PFKFB4: variants seen among roughly 807,000 people sequenced by gnomAD.
The protein encoded by PFKFB4 is 6-phosphofructo-2-kinase/fructose-2,6-biphosphatase 4.
A neutral mutation model predicts 62.8 loss-of-function variants in PFKFB4; 42 were observed. That is an observed-to-expected ratio of 0.67 (90% CI 0.52 to 0.86). The LOEUF (loss-of-function observed/expected upper bound fraction) is 0.86, where lower values mean the gene tolerates loss of function less well. Among genes scored for constraint, PFKFB4 ranks in the 40% least tolerant of loss-of-function variants. The probability of loss-of-function intolerance (pLI) is 0.00; values close to 1 mark genes in which losing one functional copy is unlikely to be tolerated. For missense variants in PFKFB4, 475 were observed against 627.2 expected (o/e 0.76, Z 2.59); for synonymous variants, 204 against 240.7 (o/e 0.85, Z 1.41).
intron 4 of PFKFB4, among the ~76,000 whole-genome samples, chr3:48,541,624 A>G (rs2042801769): frequency 6.6e-6 from 1 of 152,182 alleles, no homozygotes; most frequent in African/African-American, 2.4e-5. Flanking sequence ...ACACTCCAGC[A>G]AAACCTTTAA....
intron 7 of PFKFB4, among the ~76,000 whole-genome samples, chr3:48,537,480 C>T (rs2042659132): frequency 6.7e-6 from 1 of 148,768 alleles, no homozygotes; most frequent in South Asian, 2.1e-4. Context: ...AAGCATTCAT[C>T]TCAGAGTTGC....
chr3:48,561,698 C>T (rs13088174), upstream of PFKFB4: 8 of 102,266 alleles, frequency 7.8e-5, no homozygotes, highest in Non-Finnish European at 9.9e-5. This position sits in a 1 kb window ranked among gnomAD's most constrained non-coding sequence, Gnocchi z 5.2. Flanking sequence ...ATGTCTGCTA[C>T]ATACACAATG....
chr3:48,546,266 G>A (rs2042961972), intron 3 of PFKFB4, among the ~76,000 whole-genome samples: 1 of 152,122 alleles, frequency 6.6e-6, no homozygotes, highest in Non-Finnish European at 1.5e-5. Flanking sequence ...CCACATGTGT[G>A]CACACAGGAT....
intron 1 of PFKFB4, among the ~76,000 whole-genome samples, chr3:48,555,177 G>T (rs567210315): frequency 1.3e-5 from 2 of 151,718 alleles, no homozygotes; most frequent in East Asian, 3.9e-4. Flanking sequence ...CCCGCCTCCA[G>T]AAGAGTCTCA....
At chr3:48,532,337 T>A (rs191504477) in intron 9 of PFKFB4, among the ~76,000 whole-genome samples, 42 of 151,976 alleles carry the variant, frequency 2.8e-4, no homozygotes, top group Admixed American at 2.8e-3. Flanking sequence ...AAATAAATAA[T>A]AAAAACAGAA....
At chr3:48,557,383 C>G (rs902182407), upstream of PFKFB4, among the ~76,000 whole-genome samples, 1 of 152,252 alleles carries the variant, frequency 6.6e-6, no homozygotes, top group Non-Finnish European at 1.5e-5. Flanking sequence ...TCCTCGGGGT[C>G]CCCCTTGACT....
At chr3:48,562,721 G>T, upstream of PFKFB4, 1 of 1,425,858 alleles carries the variant, frequency 7.0e-7, no homozygotes, top group Non-Finnish European at 9.3e-7. This position sits in a 1 kb window ranked among gnomAD's most constrained non-coding sequence, Gnocchi z 4.3. Flanking sequence ...CCGTCCAGCT[G>T]TGTGGCTGCC....
At chr3:48,523,902 G>A in intron 10 of PFKFB4, 72 bp from the exon 11 acceptor site, 1 of 1,491,634 alleles carries the variant, frequency 6.7e-7, no homozygotes, top group Non-Finnish European at 9.2e-7. Flanking sequence ...CTGGACACTG[G>A]GCCACCTTCC....
chr3:48,544,531 C>G (rs968444463), intron 3 of PFKFB4, among the ~76,000 whole-genome samples: 1 of 150,534 alleles, frequency 6.6e-6, no homozygotes, highest in African/African-American at 2.4e-5. Context: ...CACTGCAGCC[C>G]AAACTCCTGG....
chr3:48,528,183 C>T (rs1294416250), intron 9 of PFKFB4, among the ~76,000 whole-genome samples: 1 of 152,032 alleles, frequency 6.6e-6, no homozygotes, highest in Admixed American at 6.6e-5. Context: ...ACGGCTACAA[C>T]CAAGACTGAT....
At chr3:48,534,933 C>T (rs1053782182) in intron 9 of PFKFB4, among the ~76,000 whole-genome samples, 2 of 151,878 alleles carry the variant, frequency 1.3e-5, no homozygotes, top group African/African-American at 4.8e-5. Context: ...CTCAGCCTCC[C>T]GAGTACGTGG....
rs2042095954 is a variant in PFKFB4, at chr3:48,521,592, C to T, written c.1350+394G>A. ...GATGGGGAGTGGGAAGAGTGCCCAC[C>T]TGCCCTCAGAAGGCCAGAAGCCTCA... On this transcript the variant is annotated intron_variant, in intron 13 of 13. Transcript: ENST00000232375. The surrounding 1 kb of genome is among the most constrained non-coding windows in gnomAD (Gnocchi z 5.3). 6.6e-6 allele frequency among the ~76,000 whole-genome samples: 1 copy of T among 152,206 alleles called. No individual in the cohort carries two copies. Among genetic ancestry groups the T allele is most frequent in the South Asian group, 2.1e-4 (1 of 4,836 alleles).
intron 9 of PFKFB4, among the ~76,000 whole-genome samples, chr3:48,534,021 T>C (rs542646587): frequency 6.6e-6 from 1 of 152,130 alleles, no homozygotes; most frequent in Non-Finnish European, 1.5e-5. Flanking sequence ...GAAGAAATAA[T>C]GGAAGATTCA....
At chr3:48,545,385 A>G (rs946276326) in intron 3 of PFKFB4, among the ~76,000 whole-genome samples, 1 of 152,070 alleles carries the variant, frequency 6.6e-6, no homozygotes, top group Non-Finnish European at 1.5e-5. Flanking sequence ...CACCCTCCTC[A>G]GCCTCCCAAG....
At chr3:48,560,871 C>T (rs1388782537), upstream of PFKFB4, among the ~76,000 whole-genome samples, 1 of 152,018 alleles carries the variant, frequency 6.6e-6, no homozygotes, top group Admixed American at 6.5e-5. Flanking sequence ...TGGCCCAGCC[C>T]CCTCTCCCTT....
rs754898724 is a variant in PFKFB4 at position 48,539,257 on chromosome 3, G to A, written c.507C>T (p.Ile169=). ...CAAGGTCAGATGCACTACTCACCAC[G>A]ATGTTGGCAGCTATGACCTCAGGAT... The part of the protein sequence containing the change: ...CVDPEVIAAN[I]VQVKLGSPDY... The change falls in exon 6 of 14, where the codon ATC becomes ATT. Residue 169 remains isoleucine (I), a synonymous_variant. Transcript: ENST00000232375. The A allele has an allele frequency of 4.6e-5, 74 of 1,612,512 alleles. No individual in the cohort carries two copies. The highest frequency in any genetic ancestry group is 5.7e-5 in the Non-Finnish European group (67 of 1,178,856).
chr3:48,522,894 G>A (rs1053149128), intron 12 of PFKFB4, among the ~76,000 whole-genome samples: 1 of 151,354 alleles, frequency 6.6e-6, no homozygotes, highest in African/African-American at 2.4e-5. Flanking sequence ...CCAAGTAGCT[G>A]GGACTACAGG....
intron 9 of PFKFB4, among the ~76,000 whole-genome samples, chr3:48,533,048 A>AT (rs1342432351): frequency 6.6e-6 from 1 of 152,120 alleles, no homozygotes; most frequent in Non-Finnish European, 1.5e-5. Context: ...TCTTTTTAAA[A>AT]TTTTTTTAGA....
rs2042658642 is a variant in PFKFB4 at position 48,537,465 on chromosome 3, C to A, written c.633-1002G>T. On this transcript the variant is annotated intron_variant, in intron 7 of 13. Transcript: ENST00000232375. ...GCTGAGGACCCTGCTCTATGCACAC[C>A]CCAAAAGCATTCATCTCAGAGTTGC... is the stretch of plus-strand genomic sequence containing the variant. Among the ~76,000 whole-genome samples the A allele has an allele frequency of 2.6e-5, 4 of 151,864 alleles. No individual in the cohort carries two copies. The South Asian group carries it at 8.3e-4, about 32-fold the overall frequency.
Sources: allele counts gnomAD v4.1 joint callset (sites outside exome capture counted in the v4.1 genomes callset), GRCh38; gene constraint gnomAD v4.1.1; non-coding constraint Gnocchi (gnomAD v3.1); transcripts MANE v1.5; gene names NCBI Gene and HGNC (gene_info 2026-07-23, HGNC 2026-07-21).